The following PHIP variants were observed in gnomAD, a reference collection of about 807,000 sequenced individuals.
The protein encoded by PHIP is PH-interacting protein.
In PHIP, 54 loss-of-function variants were observed where a neutral mutation model predicts 236.8. That is an observed-to-expected ratio of 0.23 (90% CI 0.18 to 0.29). The LOEUF is 0.29. Ranked by LOEUF, PHIP falls within the 10% of genes least tolerant of loss-of-function variation. The pLI, the probability that PHIP is intolerant of heterozygous loss-of-function variation, is 1.00. For synonymous variants in PHIP, 756 were observed against 718.9 expected, an observed-to-expected ratio of 1.05 and a Z score of -0.83; for missense variants, 1,370 against 2,190.8, an observed-to-expected ratio of 0.63 and a Z score of 7.48.
At chr6:79,073,606 C>A (rs891371072) in intron 4 of PHIP, among the ~76,000 whole-genome samples, 8 of 151,650 alleles carry the variant, frequency 5.3e-5, no homozygotes, top group Non-Finnish European at 1.0e-4. Context: ...AGGTTTTATA[C>A]CTTAACTTTC....
chr6:79,072,072 A>T (rs549732942), intron 4 of PHIP, among the ~76,000 whole-genome samples: 50 of 152,340 alleles, frequency 3.3e-4, no homozygotes, highest in African/African-American at 1.1e-3. Flanking sequence ...TAAAATATAT[A>T]TAAACAGATT....
intron 15 of PHIP, among the ~76,000 whole-genome samples, chr6:79,014,115 G>C (rs1770723382): frequency 6.9e-6 from 1 of 144,696 alleles, no homozygotes; most frequent in Admixed American, 7.0e-5. Flanking sequence ...CAGCCTTAAA[G>C]ATAGCTAAAG....
intron 13 of PHIP, 73 bp downstream of exon 13, chr6:79,016,471 G>C (rs906330116): frequency 2.5e-6 from 2 of 796,368 alleles, no homozygotes; most frequent in East Asian, 5.4e-5. Flanking sequence ...TATAGGCTGA[G>C]AGTCACCAAC....
At chr6:79,065,088 A>G (rs1440820951) in intron 4 of PHIP, among the ~76,000 whole-genome samples, 2 of 152,170 alleles carry the variant, frequency 1.3e-5, no homozygotes, top group Non-Finnish European at 2.9e-5. Flanking sequence ...AGCAGTCACC[A>G]AGTTCAACTT....
At chr6:79,037,350 C>T (rs1187066191) in intron 7 of PHIP, among the ~76,000 whole-genome samples, 1 of 152,134 alleles carries the variant, frequency 6.6e-6, no homozygotes, top group African/African-American at 2.4e-5. Flanking sequence ...ACAGTAATCC[C>T]ACAAACAAGA....
intron 16 of PHIP, 60 bp downstream of exon 16, chr6:79,003,670 C>G: frequency 8.2e-7 from 1 of 1,213,286 alleles, no homozygotes; most frequent in Non-Finnish European, 1.1e-6. Flanking sequence ...CAAAAACATA[C>G]AACCCCTAAA....
intron 10 of PHIP, 70 bp downstream of exon 10, chr6:79,019,019 A>G: frequency 9.7e-7 from 1 of 1,026,342 alleles, no homozygotes; most frequent in South Asian, 1.3e-5. Flanking sequence ...TTTCCTAAAT[A>G]TTACACACTC....
At chr6:78,974,645 A>C (rs1254739040) in intron 24 of PHIP, among the ~76,000 whole-genome samples, 1 of 152,214 alleles carries the variant, frequency 6.6e-6, no homozygotes, top group Non-Finnish European at 1.5e-5. Context: ...TAATAAAAGA[A>C]AAAAAGAAGA....
At position 78,997,544 on chromosome 6, in the gene PHIP, G is replaced by A. The variant is rs1769698925; in HGVS notation, c.2071C>T (p.Arg691Cys). 3.7e-6 allele frequency: 6 copies of A among 1,613,750 alleles called. No individual in the cohort carries two copies. Among genetic ancestry groups the A allele is most frequent in the African/African-American group, 1.3e-5 (1 of 74,870 alleles). Residue 691 changes from arginine (R) to cysteine (C), a missense_variant, in exon 19 of 40, where the codon CGT becomes TGT. Physicochemically the swap from Arg to Cys is radical, Grantham distance 180 (BLOSUM62 -3). This residue lies in a region of PHIP where 133 missense variants were observed against 245.2 expected (regional missense o/e 0.54). Transcript: ENST00000275034. Reference protein sequence around the residue: ...VHSPPNVGLRRSGQIEGVRQM... With the variant: ...VHSPPNVGLRCSGQIEGVRQM... The stretch of plus-strand genomic sequence containing the variant: ...CGTACACCTTCAATTTGTCCACTAC[G>A]TCTTAGTCCTACGTTTGGTGGTGAA...
chr6:78,943,930 G>A (rs1773648975), intron 39 of PHIP, among the ~76,000 whole-genome samples: 1 of 135,496 alleles, frequency 7.4e-6, no homozygotes, highest in Non-Finnish European at 1.5e-5. Flanking sequence ...AGGTTGCAGT[G>A]AATGGAAATC....
At chr6:79,061,004 C>T (rs1773345513) in intron 4 of PHIP, among the ~76,000 whole-genome samples, 186 bp from the exon 5 acceptor site, 3 of 152,148 alleles carry the variant, frequency 2.0e-5, no homozygotes, top group South Asian at 2.1e-4. Flanking sequence ...TTTAAGAACA[C>T]TTAACATCTA....
In PHIP at chr6:79,001,842, T is replaced by C. The variant is rs1582202643; in HGVS notation, c.1879+57A>G. On this transcript the variant is annotated intron_variant, in intron 17 of 39. Coordinates refer to ENST00000275034, the MANE Select transcript of PHIP (RefSeq NM_017934.7). ...AAACAAAGTTTTACTCAATTAGCAA[T>C]TTTAACAGTTCGGTGGGAAGAAGAA... 3.5e-6 allele frequency: 4 copies of C among 1,134,042 alleles called. No individual in the cohort carries two copies. The South Asian group carries it at 5.0e-5, about 14-fold the overall frequency. The allele number at this position is 1,134,042 out of a possible 1,614,324, so 70.2% of individuals were successfully genotyped here.
intron 7 of PHIP, among the ~76,000 whole-genome samples, chr6:79,028,246 G>C (rs572157422): frequency 6.6e-6 from 1 of 152,032 alleles, no homozygotes; most frequent in East Asian, 1.9e-4. Context: ...GTGTAATGAG[G>C]GTCACTGAAG....
In PHIP at chr6:78,939,208, T is replaced by G. The variant is rs1020994333; in HGVS notation, c.*1485A>C. Reference sequence around the variant, plus strand: ...CTTTCCTTTTCCATAGCAGTACATATAGCAATACATTCTCCTAAGTCATAT... The same window carrying G: ...CTTTCCTTTTCCATAGCAGTACATAGAGCAATACATTCTCCTAAGTCATAT... On this transcript the variant is annotated 3_prime_UTR_variant, in exon 40 of 40. Coordinates refer to ENST00000275034, the MANE Select transcript of PHIP (RefSeq NM_017934.7). 6.6e-6 allele frequency: 1 copy of G among 151,784 alleles called. No individual in the cohort carries two copies. Among genetic ancestry groups the G allele is most frequent in the South Asian group, 2.1e-4 (1 of 4,824 alleles). The allele number at this position is 151,784 out of a possible 1,614,324, so 9.4% of individuals were successfully genotyped here.
chr6:79,036,476 CTT>C (rs1195897155), intron 7 of PHIP, among the ~76,000 whole-genome samples: 1 of 152,148 alleles, frequency 6.6e-6, no homozygotes, highest in Non-Finnish European at 1.5e-5. Flanking sequence ...CTCCTATGCA[CTT>C]AAAATAATTT....
intron 20 of PHIP, among the ~76,000 whole-genome samples, chr6:78,988,914 G>A (rs1166875093): frequency 2.6e-5 from 4 of 152,218 alleles, no homozygotes; most frequent in Admixed American, 2.6e-4. Flanking sequence ...GGATCATAAA[G>A]CTACCCTGCC....
intron 19 of PHIP, among the ~76,000 whole-genome samples, chr6:78,994,617 A>C (rs953608701): frequency 6.6e-6 from 1 of 152,134 alleles, no homozygotes; most frequent in African/African-American, 2.4e-5. Context: ...CTAATAAAGC[A>C]ATGGCAGGGT....
chr6:78,975,347 T>A (rs2127711975), intron 24 of PHIP, among the ~76,000 whole-genome samples: 1 of 152,296 alleles, frequency 6.6e-6, no homozygotes, highest in African/African-American at 2.4e-5. Context: ...AAACTCTCAA[T>A]AAATTAGGTA....
rs760111318 is a variant in PHIP at position 78,970,095 on chromosome 6, G to A, written c.3076C>T (p.Leu1026=). 3.7e-6 allele frequency: 6 copies of A among 1,613,514 alleles called. No homozygotes were observed. The African/African-American group carries it at 4.0e-5, about 11-fold the overall frequency. Residue 1026 remains leucine (L), a synonymous_variant, in exon 26 of 40, where the codon CTA becomes TTA. Coordinates refer to ENST00000275034, the MANE Select transcript of PHIP (RefSeq NM_017934.7). ...GTCAGTTTACCAGTATCAGGATCTA[G>A]AAAAGCAAGTTTAAGGCAGCAAAGG... The part of the protein sequence containing the change: ...PTLCCLKLAF[L]DPDTGKLTGG...
Sources: allele counts gnomAD v4.1 joint callset (sites outside exome capture counted in the v4.1 genomes callset), GRCh38; gene constraint gnomAD v4.1.1; regional missense constraint gnomAD v4.1.1; transcripts MANE v1.5; gene names NCBI Gene and HGNC (gene_info 2026-07-23, HGNC 2026-07-21).